The following DOCK4 variants were observed in gnomAD, a reference collection of about 807,000 sequenced individuals.
The protein encoded by DOCK4 is dedicator of cytokinesis protein 4.
Under a neutral mutation model 268.1 loss-of-function variants are expected in DOCK4, and 97 were observed. That is an observed-to-expected ratio of 0.36 (90% confidence interval 0.31 to 0.43). The LOEUF (loss-of-function observed/expected upper bound fraction) is 0.43. DOCK4 is among the 20% of genes least tolerant of loss of function. The pLI is 1.00. For synonymous variants in DOCK4, 954 were observed against 887.2 expected, an observed-to-expected ratio of 1.08 and a Z score of -1.34; for missense variants, 2,145 against 2,455.7, an observed-to-expected ratio of 0.87 and a Z score of 2.67.
At chr7:111,799,812 C>T (rs763028969) in intron 30 of DOCK4, among the ~76,000 whole-genome samples, 1 of 152,026 alleles carries the variant, frequency 6.6e-6, no homozygotes, top group African/African-American at 2.4e-5. Flanking sequence ...CTTTATAAAC[C>T]CACAAAGAAG....
intron 1 of DOCK4, among the ~76,000 whole-genome samples, chr7:112,049,256 A>AGGG (rs2135545174): frequency 1.3e-5 from 2 of 152,342 alleles, no homozygotes; most frequent in East Asian, 3.9e-4. Flanking sequence ...AAAGGCTTGA[A>AGGG]GGAGAGAAAT....
chr7:111,933,440 A>G (rs1386110288), intron 12 of DOCK4, among the ~76,000 whole-genome samples: 3 of 151,108 alleles, frequency 2.0e-5, no homozygotes, highest in Admixed American at 1.3e-4. Context: ...GATTACAGGC[A>G]CGCGCCACCA....
At chr7:111,755,210 G>A (rs796665333) in intron 42 of DOCK4, among the ~76,000 whole-genome samples, 2 of 152,130 alleles carry the variant, frequency 1.3e-5, no homozygotes, top group South Asian at 2.1e-4. Context: ...AGCACTGAAG[G>A]TCACACAGCT....
chr7:111,732,621 G>A, intron 51 of DOCK4: 1 of 254,794 alleles, frequency 3.9e-6, no homozygotes, highest in South Asian at 6.3e-5. Context: ...GTCTCATAAG[G>A]TGCTTTTAGG....
At chr7:111,744,313 A>G (rs1188746191) in intron 44 of DOCK4, among the ~76,000 whole-genome samples, 1 of 152,180 alleles carries the variant, frequency 6.6e-6, no homozygotes, top group African/African-American at 2.4e-5. Context: ...GGGGTGGTGC[A>G]TGTCTCTGTC....
chr7:112,199,284 C>G (rs1302474459), intron 1 of DOCK4, among the ~76,000 whole-genome samples: 3 of 152,170 alleles, frequency 2.0e-5, no homozygotes, highest in Middle Eastern at 3.2e-3. Flanking sequence ...GCTCTTAGAA[C>G]TGTGCTTGAC....
At chr7:112,193,396 G>A (rs1820144300) in intron 1 of DOCK4, among the ~76,000 whole-genome samples, 1 of 151,588 alleles carries the variant, frequency 6.6e-6, no homozygotes, top group Non-Finnish European at 1.5e-5. Context: ...AGGAGTTCAA[G>A]ACCAGCCTGA....
chr7:111,959,698 C>T (rs1409268784), intron 8 of DOCK4, among the ~76,000 whole-genome samples: 1 of 152,158 alleles, frequency 6.6e-6, no homozygotes, highest in Non-Finnish European at 1.5e-5. Context: ...TCAAAAGAAG[C>T]ATAATTCTTT....
At chr7:111,838,865 T>G (rs1280411877) in intron 25 of DOCK4, among the ~76,000 whole-genome samples, 2 of 152,212 alleles carry the variant, frequency 1.3e-5, no homozygotes, top group African/African-American at 4.8e-5. Context: ...ATTTATTTTA[T>G]GTCAATTATA....
chr7:112,118,908 T>C (rs1329924899), intron 1 of DOCK4, among the ~76,000 whole-genome samples: 2 of 152,148 alleles, frequency 1.3e-5, no homozygotes, highest in South Asian at 2.1e-4. Flanking sequence ...TTTCCCTAAA[T>C]GTAGATGTGC....
chr7:111,781,587 C>G (rs1011818495), intron 35 of DOCK4, among the ~76,000 whole-genome samples: 5 of 152,192 alleles, frequency 3.3e-5, no homozygotes, highest in East Asian at 3.9e-4. Flanking sequence ...ATGCTTAGGT[C>G]TCACTATTTT....
intron 23 of DOCK4, among the ~76,000 whole-genome samples, chr7:111,861,860 A>G (rs538084727): frequency 3.0e-4 from 46 of 151,846 alleles, no homozygotes; most frequent in Non-Finnish European, 6.0e-4. Flanking sequence ...GTAAAGAAGA[A>G]AAAACCATAC....
At chr7:111,762,736 TTAAA>T (rs143760451) in intron 39 of DOCK4, among the ~76,000 whole-genome samples, 2 of 150,894 alleles carry the variant, frequency 1.3e-5, no homozygotes, top group East Asian at 3.9e-4. Flanking sequence ...TTAATATTCT[TTAAA>T]TAACCCATTT....
chr7:112,140,062 A>C (rs963880183), intron 1 of DOCK4, among the ~76,000 whole-genome samples: 1 of 152,204 alleles, frequency 6.6e-6, no homozygotes, highest in African/African-American at 2.4e-5. Context: ...CTAAGGCACC[A>C]ACAGAACCAA....
intron 1 of DOCK4, among the ~76,000 whole-genome samples, chr7:112,153,601 T>C (rs1816308312): frequency 6.6e-6 from 1 of 152,242 alleles, no homozygotes; most frequent in Non-Finnish European, 1.5e-5. Context: ...CAGTTGTCTG[T>C]TTCTCCATCA....
chr7:112,186,701 A>C (rs1339357667), intron 1 of DOCK4, among the ~76,000 whole-genome samples: 1 of 152,202 alleles, frequency 6.6e-6, no homozygotes, highest in Admixed American at 6.5e-5. Context: ...GAATCTTCTC[A>C]TTGTCCTTAC....
chr7:112,088,664 C>A (rs1326037565), intron 1 of DOCK4, among the ~76,000 whole-genome samples: 1 of 152,122 alleles, frequency 6.6e-6, no homozygotes, highest in Non-Finnish European at 1.5e-5. Context: ...AGTTTCCACT[C>A]ATTTAGTTTC....
chr7:111,983,839 C>T (rs1798796378), intron 7 of DOCK4, among the ~76,000 whole-genome samples: 1 of 98,272 alleles, frequency 1.0e-5, no homozygotes, highest in Admixed American at 1.2e-4. Flanking sequence ...TGTATGTACA[C>T]ACACACGCGC....
At chr7:111,760,410 A>G (rs777568722) in intron 39 of DOCK4, 88 bp from the exon 40 acceptor site, 60 of 1,356,608 alleles carry the variant, frequency 4.4e-5, no homozygotes, top group Non-Finnish European at 5.9e-5. Flanking sequence ...GCAGTAACTG[A>G]CCACATGCCC....
Sources: allele counts gnomAD v4.1 joint callset (sites outside exome capture counted in the v4.1 genomes callset), GRCh38; gene constraint gnomAD v4.1.1; transcripts MANE v1.5; gene names NCBI Gene and HGNC (gene_info 2026-07-23, HGNC 2026-07-21).